Variants in SLC24A2 observed in about 807,000 individuals in gnomAD.
SLC24A2 encodes solute carrier family 24 member 2.
In SLC24A2, 36 loss-of-function variants were observed where a neutral mutation model predicts 62.0. The ratio of observed to expected loss-of-function variants is 0.58; its 90% CI spans 0.44 to 0.77. The LOEUF is 0.77. SLC24A2 is among the 30% of genes least tolerant of loss of function. The pLI, the probability that SLC24A2 is intolerant of heterozygous loss-of-function variation, is 0.00. For synonymous variants in SLC24A2, 358 were observed against 294.0 expected (o/e 1.22, Z -2.23); for missense variants, 846 against 817.9 (o/e 1.03, Z -0.42).
At chr9:19,885,950 A>T in the SLC24A2 span, among the ~76,000 whole-genome samples, 17 of 152,178 alleles carry the variant, frequency 1.1e-4, no homozygotes, top group African/African-American at 3.6e-4. Flanking sequence ...ATGACTGCAT[A>T]GTATTCTATG....
chr9:20,032,703 T>A, the SLC24A2 span, among the ~76,000 whole-genome samples: 1 of 152,178 alleles, frequency 6.6e-6, no homozygotes, highest in Non-Finnish European at 1.5e-5. Context: ...AATTCTGCAT[T>A]ATTTATCGTA....
chr9:19,765,705 C>A (rs1822493880), intron 2 of SLC24A2, among the ~76,000 whole-genome samples: 1 of 152,196 alleles, frequency 6.6e-6, no homozygotes, highest in Non-Finnish European at 1.5e-5. Flanking sequence ...GGAATCCAAC[C>A]TTTCTCTCGG....
intron 2 of SLC24A2, among the ~76,000 whole-genome samples, chr9:19,744,330 T>C (rs1193694868): frequency 6.6e-6 from 1 of 152,208 alleles, no homozygotes; most frequent in Non-Finnish European, 1.5e-5. Flanking sequence ...ACTGTGTGCT[T>C]GATCCCATCT....
the SLC24A2 span, among the ~76,000 whole-genome samples, chr9:20,193,893 G>A: frequency 1.3e-5 from 2 of 152,076 alleles, no homozygotes; most frequent in Non-Finnish European, 2.9e-5. Context: ...AAGGGGCAAT[G>A]CCAAGAAAAT....
chr9:20,093,618 T>A, the SLC24A2 span, among the ~76,000 whole-genome samples: 2 of 152,234 alleles, frequency 1.3e-5, no homozygotes, highest in African/African-American at 4.8e-5. Context: ...AGAGGTAACA[T>A]GTTTTATTCC....
intron 2 of SLC24A2, among the ~76,000 whole-genome samples, chr9:19,680,317 C>T (rs188275379): frequency 9.9e-5 from 15 of 152,136 alleles, no homozygotes; most frequent in East Asian, 7.7e-4. Flanking sequence ...TCACAGTCTA[C>T]GCAAAGGCAT....
intron 2 of SLC24A2, among the ~76,000 whole-genome samples, chr9:19,730,927 A>G (rs1247991563): frequency 6.6e-6 from 1 of 152,108 alleles, no homozygotes; most frequent in Non-Finnish European, 1.5e-5. Context: ...ATGGAAAAAA[A>G]GATATTCATC....
chr9:19,559,498 G>A (rs187112498), intron 7 of SLC24A2, among the ~76,000 whole-genome samples: 41 of 152,246 alleles, frequency 2.7e-4, no homozygotes, highest in African/African-American at 9.6e-4. Context: ...TTCTAAGCAG[G>A]GGGCAAGACT....
the SLC24A2 span, among the ~76,000 whole-genome samples, chr9:20,125,971 G>C: frequency 7.2e-5 from 11 of 152,168 alleles, no homozygotes; most frequent in Non-Finnish European, 1.6e-4. Flanking sequence ...GCTGGTGCTG[G>C]CTAGTCAAGA....
chr9:20,233,406 T>G, the SLC24A2 span, among the ~76,000 whole-genome samples: 788 of 152,254 alleles, frequency 5.2e-3, 5 homozygotes, highest in Admixed American at 0.012. Context: ...GAATCTGGGT[T>G]CTCCTGTATT....
the SLC24A2 span, among the ~76,000 whole-genome samples, chr9:19,879,727 G>T: frequency 1.3e-5 from 2 of 152,098 alleles, no homozygotes; most frequent in East Asian, 3.9e-4. Flanking sequence ...CTCCCCCTAA[G>T]AAGTAAGAGT....
chr9:20,207,911 C>T, the SLC24A2 span, among the ~76,000 whole-genome samples: 1 of 152,118 alleles, frequency 6.6e-6, no homozygotes. Flanking sequence ...TTATTTTTTA[C>T]TTTAATAATT....
the SLC24A2 span, among the ~76,000 whole-genome samples, chr9:20,050,981 C>T: frequency 2.0e-5 from 3 of 151,746 alleles, no homozygotes; most frequent in South Asian, 2.1e-4. Flanking sequence ...AGAAAAAATA[C>T]GTAAAAGAGG....
chr9:20,180,227 T>C, the SLC24A2 span, among the ~76,000 whole-genome samples: 5 of 152,196 alleles, frequency 3.3e-5, no homozygotes, highest in Non-Finnish European at 7.3e-5. Context: ...GTTTGTAAAT[T>C]GAGGGACAAA....
the SLC24A2 span, among the ~76,000 whole-genome samples, chr9:19,931,884 C>T: frequency 6.6e-6 from 1 of 152,018 alleles, no homozygotes; most frequent in Non-Finnish European, 1.5e-5. Context: ...GGCTATTTTA[C>T]ATTATAGACT....
chr9:19,628,507 C>G (rs715253), intron 2 of SLC24A2, among the ~76,000 whole-genome samples: 30 of 152,226 alleles, frequency 2.0e-4, no homozygotes, highest in African/African-American at 7.2e-4. Context: ...TCTTGCCTTC[C>G]CCTGAAAAAT....
chr9:19,897,155 G>A, the SLC24A2 span, among the ~76,000 whole-genome samples: 15 of 152,294 alleles, frequency 9.8e-5, no homozygotes, highest in African/African-American at 3.6e-4. Flanking sequence ...GGCCTTGGTA[G>A]AACTCTTCAA....
the SLC24A2 span, among the ~76,000 whole-genome samples, chr9:19,794,350 GA>G: frequency 6.6e-6 from 1 of 152,062 alleles, no homozygotes; most frequent in Admixed American, 6.5e-5. Flanking sequence ...ATTAATGCAG[GA>G]ACAGAAAACC....
chr9:19,825,892 C>A, the SLC24A2 span, among the ~76,000 whole-genome samples: 1 of 152,038 alleles, frequency 6.6e-6, no homozygotes, highest in Non-Finnish European at 1.5e-5. Context: ...AACTGAAACC[C>A]TTAAAAGTGA....
Sources: gnomAD v4.1 joint callset for allele counts (sites outside exome capture counted in the v4.1 genomes callset) on GRCh38, gnomAD v4.1.1 for gene constraint, MANE v1.5 for transcripts, NCBI Gene and HGNC (gene_info 2026-07-23, HGNC 2026-07-21) for gene names.